MIDEAS: variants seen among roughly 807,000 people sequenced by gnomAD.
MIDEAS encodes mitotic deacetylase associated SANT domain protein.
In MIDEAS, 26 loss-of-function variants were observed where a neutral mutation model predicts 102.7. The ratio of observed to expected loss-of-function variants is 0.25; its 90% CI spans 0.19 to 0.35. The LOEUF (loss-of-function observed/expected upper bound fraction) is 0.35, where lower values mean the gene tolerates loss of function less well. Among genes scored for constraint, MIDEAS ranks in the 10% least tolerant of loss-of-function variants. The pLI is 1.00. For synonymous variants in MIDEAS, 585 were observed against 591.0 expected (o/e 0.99, Z 0.15); for missense variants, 1,231 against 1,435.6 (o/e 0.86, Z 2.30).
chr14:73,729,581 C>T, intron 4 of MIDEAS, 59 bp downstream of exon 4: 1 of 1,399,116 alleles, frequency 7.1e-7, no homozygotes, highest in Non-Finnish European at 9.8e-7. Context: ...GGCTGAGATG[C>T]CTCCCTGCCC....
intron 1 of MIDEAS, among the ~76,000 whole-genome samples, chr14:73,743,192 C>T (rs918812299): frequency 1.3e-5 from 2 of 152,170 alleles, no homozygotes; most frequent in African/African-American, 4.8e-5. Flanking sequence ...ACACTCTACA[C>T]CACCTCCAAG....
Position 73,721,527 on chromosome 14 carries a change from A to G in MIDEAS, c.2725-18T>C, listed in dbSNP as rs779614183. On this transcript the variant is annotated intron_variant, in intron 10 of 12. Transcript: ENST00000423556. ...TGGGAAGTCTATGGGGAACAAGAAC[A>G]AGGGCAGTGAGCCTAGAGCTCTGTC... 1.9e-6 allele frequency: 3 copies of G among 1,609,050 alleles called. No homozygotes were observed. Among genetic ancestry groups the G allele is most frequent in the East Asian group, 4.5e-5 (2 of 44,836 alleles).
intron 3 of MIDEAS, among the ~76,000 whole-genome samples, chr14:73,734,856 G>A (rs1390784951): frequency 6.6e-6 from 1 of 152,090 alleles, no homozygotes; most frequent in African/African-American, 2.4e-5. Flanking sequence ...AGAATGCTGG[G>A]GTAATCATGA....
chr14:73,746,936 C>T (rs560422056), intron 1 of MIDEAS, among the ~76,000 whole-genome samples: 17 of 152,270 alleles, frequency 1.1e-4, no homozygotes, highest in African/African-American at 3.6e-4. Flanking sequence ...CAGAAACACA[C>T]GCTAATTATA....
intron 4 of MIDEAS, 196 bp from the exon 5 acceptor site, chr14:73,727,720 C>T: frequency 3.6e-6 from 2 of 561,660 alleles, no homozygotes; most frequent in Non-Finnish European, 6.2e-6. Flanking sequence ...ATTTGGGTGC[C>T]TCAGTTTTCA....
In MIDEAS at chr14:73,716,877, C is replaced by G. The variant is rs1019008771; in HGVS notation, c.*1966G>C. 6.6e-6 allele frequency: 1 copy of G among 152,508 alleles called. No individual in the cohort carries two copies. 9.4% of individuals were successfully genotyped at this position (152,508 alleles called of 1,614,324 possible). A position where few individuals can be genotyped will look rare whatever the true frequency, so the allele number is the denominator to read the frequency against. Reference sequence around the variant, plus strand: ...TTTGGGGCTAAGCTGCGAAGGCACTCGTATTGTACAAGTAATTTCGAAGAG... The same window carrying G: ...TTTGGGGCTAAGCTGCGAAGGCACTGGTATTGTACAAGTAATTTCGAAGAG... On this transcript the variant is annotated 3_prime_UTR_variant, in exon 13 of 13. Coordinates refer to ENST00000423556, the MANE Select transcript of MIDEAS (RefSeq NM_001367710.1).
chr14:73,766,349 A>C (rs1215353435), intron 1 of MIDEAS, among the ~76,000 whole-genome samples: 1 of 152,216 alleles, frequency 6.6e-6, no homozygotes, highest in Non-Finnish European at 1.5e-5. Context: ...GCCTGTTGAT[A>C]AATGCATGAA....
intron 3 of MIDEAS, chr14:73,730,216 T>C (rs1330313844): frequency 1.4e-6 from 1 of 702,084 alleles, no homozygotes; most frequent in East Asian, 2.7e-5. Flanking sequence ...TTAGGCTTTG[T>C]GGGCCACATG....
chr14:73,719,242 C>A, intron 12 of MIDEAS, 63 bp downstream of exon 12: 1 of 1,532,648 alleles, frequency 6.5e-7, no homozygotes, highest in Non-Finnish European at 8.8e-7. Flanking sequence ...CTCCACCCCA[C>A]CCCCGCCCCC....
In MIDEAS at chr14:73,776,496, C is replaced by T. The variant is rs574693629; in HGVS notation, c.-248+10606G>A. Among the ~76,000 whole-genome samples, 7 of 118,584 alleles carry T rather than the reference C, an allele frequency of 5.9e-5. No individual in the cohort carries two copies. The East Asian group carries it at 1.6e-3, about 28-fold the overall frequency. 77.8% of individuals were successfully genotyped at this position (118,584 alleles called of 152,430 possible). A position where few individuals can be genotyped will look rare whatever the true frequency, so the allele number is the denominator to read the frequency against. ...CCCGGGAATTCAAGACCAGCCTGGGCAACATGGCAAAACCCCATCTCTGTT... is the reference window on the plus strand; with the variant it reads ...CCCGGGAATTCAAGACCAGCCTGGGTAACATGGCAAAACCCCATCTCTGTT... On this transcript the variant is annotated intron_variant, in intron 1 of 11. Coordinates refer to the MIDEAS transcript ENST00000394071.
upstream of MIDEAS, among the ~76,000 whole-genome samples, chr14:73,789,359 A>T (rs1465489925): frequency 1.3e-5 from 2 of 152,142 alleles, no homozygotes. Context: ...AGGCCTGCCA[A>T]CCACCGTTTG....
intron 1 of MIDEAS, among the ~76,000 whole-genome samples, chr14:73,767,224 G>GGTATTA (rs1337549252): frequency 1.3e-5 from 2 of 152,166 alleles, no homozygotes; most frequent in East Asian, 3.9e-4. Context: ...AGTGGTGTAT[G>GGTATTA]GTATTAGTAT....
Position 73,739,816 on chromosome 14 carries a change from GCAGTTC to G in MIDEAS, c.187_192del (p.Glu63_Leu64del). 2.5e-6 allele frequency: 4 copies of G among 1,612,536 alleles called. No individual in the cohort carries two copies. Among genetic ancestry groups the G allele is most frequent in the Non-Finnish European group, 3.4e-6 (4 of 1,179,078 alleles). ...AGCAGGGCCAGGCTGCTAGGAGGGGGCAGTTCCACAGGCTGAGAGGTGGAGACTGCC... is the reference window on the plus strand; with the variant it reads ...AGCAGGGCCAGGCTGCTAGGAGGGGGCACAGGCTGAGAGGTGGAGACTGCC... On this transcript the variant is annotated inframe_deletion, in exon 2 of 13. Transcript: ENST00000423556.
chr14:73,751,727 T>C (rs1030845467), intron 1 of MIDEAS, among the ~76,000 whole-genome samples: 1 of 151,860 alleles, frequency 6.6e-6, no homozygotes, highest in Non-Finnish European at 1.5e-5. Context: ...ATGGAGAAAC[T>C]CTGTCTCTAC....
In MIDEAS at chr14:73,722,094, T is replaced by C. The variant is rs183486283; in HGVS notation, c.2725-585A>G. On this transcript the variant is annotated intron_variant, in intron 10 of 12. Transcript: ENST00000423556. The stretch of plus-strand genomic sequence containing the variant: ...TGTGTCTTTTATACTTCTCTAGACT[T>C]GATAATCTCTTTAACAAAGCAAGGT... Among the ~76,000 whole-genome samples, 27 of 152,342 alleles carry C rather than the reference T, an allele frequency of 1.8e-4. No individual in the cohort carries two copies. In the East Asian group the frequency reaches 5.2e-3, roughly 29 times the overall value.
chr14:73,716,101 TA>T lies in MIDEAS; in HGVS notation c.*2741del, dbSNP rs2052883969. The T allele has an allele frequency of 6.6e-6, 1 of 152,458 alleles. No individual in the cohort carries two copies. The allele number at this position is 152,458 out of a possible 1,614,324, so 9.4% of individuals were successfully genotyped here. The stretch of plus-strand genomic sequence containing the variant: ...ATCACTTCTCAAGGAGCTCTGAATA[TA>T]GGGGGAAAAAAACAACAAAAAGACA... On this transcript the variant is annotated 3_prime_UTR_variant, in exon 13 of 13. Coordinates refer to ENST00000423556, the MANE Select transcript of MIDEAS (RefSeq NM_001367710.1).
chr14:73,737,306 G>C lies in MIDEAS; in HGVS notation c.1450-9C>G, dbSNP rs765736897. On this transcript the variant is annotated splice_polypyrimidine_tract_variant and intron_variant, in intron 2 of 12. Transcript: ENST00000423556. Reference sequence around the variant, plus strand: ...TCAGAACCACTGCCATCCTGGACAAGATGGGAACAGAAGTGCAATTTAAAA... The same window carrying C: ...TCAGAACCACTGCCATCCTGGACAACATGGGAACAGAAGTGCAATTTAAAA... 6.2e-7 allele frequency: 1 copy of C among 1,604,760 alleles called. No individual in the cohort carries two copies. Among genetic ancestry groups the C allele is most frequent in the South Asian group, 1.1e-5 (1 of 90,700 alleles).
intron 1 of MIDEAS, among the ~76,000 whole-genome samples, chr14:73,756,293 T>TGC (rs1245182607): frequency 4.3e-4 from 32 of 75,262 alleles, no homozygotes; most frequent in East Asian, 3.7e-3. Context: ...TGTGTGTGTG[T>TGC]GTGCGCGCGC....
chr14:73,756,352 T>C (rs1017392394), intron 1 of MIDEAS, among the ~76,000 whole-genome samples: 2 of 152,062 alleles, frequency 1.3e-5, no homozygotes, highest in East Asian at 3.9e-4. Context: ...CAAATTGCAG[T>C]TTCCAACATT....
Sources: allele counts gnomAD v4.1 joint callset (sites outside exome capture counted in the v4.1 genomes callset), GRCh38; gene constraint gnomAD v4.1.1; transcripts MANE v1.5; gene names NCBI Gene and HGNC (gene_info 2026-07-23, HGNC 2026-07-21).